Variants in NPSR1 observed in about 807,000 individuals in gnomAD.
The protein encoded by NPSR1 is neuropeptide S receptor.
NPSR1 carries 48 observed loss-of-function variants against 46.9 expected under a neutral mutation model. The observed-to-expected ratio is 1.02, with a 90% CI of 0.81 to 1.30. The LOEUF (loss-of-function observed/expected upper bound fraction) is 1.30, where lower values mean the gene tolerates loss of function less well. Among genes scored for constraint, NPSR1 ranks in the 50% most tolerant of loss-of-function variants. The probability of loss-of-function intolerance (pLI) is 0.00; values close to 1 mark genes in which losing one functional copy is unlikely to be tolerated. For synonymous variants in NPSR1, 176 were observed against 168.1 expected (o/e 1.05, Z -0.36); for missense variants, 450 against 449.5 (o/e 1.00, Z -0.01).
At chr7:34,730,690 C>T (rs73109551) in intron 2 of NPSR1, among the ~76,000 whole-genome samples, 21,903 of 152,096 alleles carry the variant, frequency 0.14, 2,077 homozygotes, top group East Asian at 0.34. Flanking sequence ...CATGACACAC[C>T]CCACCTAATT....
chr7:34,772,418 T>C (rs1044123366), intron 2 of NPSR1, among the ~76,000 whole-genome samples: 1 of 152,180 alleles, frequency 6.6e-6, no homozygotes, highest in Admixed American at 6.5e-5. Flanking sequence ...ATACTCTATT[T>C]CTGAGCAGAG....
intron 8 of NPSR1, among the ~76,000 whole-genome samples, chr7:34,856,985 A>G (rs1359631447): frequency 6.6e-6 from 1 of 151,690 alleles, no homozygotes; most frequent in Non-Finnish European, 1.5e-5. Context: ...AATGCCATGA[A>G]GCCATATTTT....
At chr7:34,847,488 G>A (rs1790777678) in intron 7 of NPSR1, among the ~76,000 whole-genome samples, 1 of 152,090 alleles carries the variant, frequency 6.6e-6, no homozygotes. Flanking sequence ...GTTGGAAGCT[G>A]GAGACCCAGG....
intron 6 of NPSR1, among the ~76,000 whole-genome samples, chr7:34,840,516 T>G (rs974966040): frequency 1.3e-5 from 2 of 152,104 alleles, no homozygotes; most frequent in African/African-American, 4.8e-5. Context: ...GCAGAAGAAC[T>G]TGGAGAGCAG....
chr7:34,661,589 C>T (rs1458545), intron 1 of NPSR1, among the ~76,000 whole-genome samples: 15,729 of 152,164 alleles, frequency 0.1, 907 homozygotes, highest in African/African-American at 0.15. Flanking sequence ...CCCACCTCCA[C>T]CCTTGAATTC....
At chr7:34,725,122 CACAG>C (rs1433527582) in intron 2 of NPSR1, among the ~76,000 whole-genome samples, 1 of 151,296 alleles carries the variant, frequency 6.6e-6, no homozygotes, top group Non-Finnish European at 1.5e-5. Context: ...CACACACACA[CACAG>C]ACACACACAC....
chr7:34,709,163 T>G (rs1794260107), intron 2 of NPSR1, among the ~76,000 whole-genome samples: 1 of 152,088 alleles, frequency 6.6e-6, no homozygotes, highest in African/African-American at 2.4e-5. Flanking sequence ...TTTGGCGGCC[T>G]CATTACGTTT....
intron 2 of NPSR1, among the ~76,000 whole-genome samples, chr7:34,769,871 G>A (rs757924439): frequency 2.0e-5 from 3 of 152,168 alleles, no homozygotes; most frequent in Admixed American, 1.3e-4. Context: ...AGTAATACAT[G>A]GAGGTGATTA....
At chr7:34,750,298 CT>C (rs1409540829) in intron 2 of NPSR1, 4 of 696,152 alleles carry the variant, frequency 5.7e-6, no homozygotes, top group Non-Finnish European at 1.1e-5. Flanking sequence ...GGGTTATTTT[CT>C]TGGGTGTCCT....
Position 34,829,030 on chromosome 7 carries a change from T to C in NPSR1, c.680+1428T>C, listed in dbSNP as rs191094280. Among the ~76,000 whole-genome samples the C allele has an allele frequency of 8.5e-4, 129 of 152,368 alleles. 1 individual carries two copies. Among genetic ancestry groups the C allele is most frequent in the African/African-American group, 1.6e-3 (67 of 41,594 alleles). ...ATATGCATTTCTTTAATTACTAAGC[T>C]GGTGGCATGTTTTTCAAGTGTTTTC... On this transcript the variant is annotated intron_variant, in intron 5 of 8. Coordinates refer to ENST00000360581, the MANE Select transcript of NPSR1 (RefSeq NM_207172.2).
intron 5 of NPSR1, among the ~76,000 whole-genome samples, chr7:34,828,300 A>G (rs17170012): frequency 0.12 from 18,093 of 152,248 alleles, 1,226 homozygotes; most frequent in South Asian, 0.2. Flanking sequence ...CCAGTGGGAC[A>G]GAAGTTGGCA....
intron 8 of NPSR1, among the ~76,000 whole-genome samples, chr7:34,864,406 C>A (rs1791263277): frequency 6.6e-6 from 1 of 150,748 alleles, no homozygotes; most frequent in Non-Finnish European, 1.5e-5. Flanking sequence ...GACACTCCAG[C>A]AATAAAATAC....
chr7:34,851,880 G>A (rs1790942717), downstream of NPSR1, among the ~76,000 whole-genome samples: 1 of 152,148 alleles, frequency 6.6e-6, no homozygotes, highest in African/African-American at 2.4e-5. Context: ...TAAGATAATG[G>A]TACAGGTTGC....
At chr7:34,724,355 T>C (rs988781787) in intron 2 of NPSR1, among the ~76,000 whole-genome samples, 25 of 152,192 alleles carry the variant, frequency 1.6e-4, no homozygotes, top group Non-Finnish European at 1.8e-4. Context: ...GATGTAAACT[T>C]ATTCATTTCT....
intron 2 of NPSR1, among the ~76,000 whole-genome samples, chr7:34,705,685 T>C (rs7357323): frequency 0.14 from 21,567 of 152,092 alleles, 2,062 homozygotes; most frequent in East Asian, 0.34. Context: ...TAATGTGATA[T>C]TAATATTATG....
At chr7:34,755,509 T>C (rs75055054) in intron 2 of NPSR1, among the ~76,000 whole-genome samples, 3,244 of 152,340 alleles carry the variant, frequency 0.021, 106 homozygotes, top group African/African-American at 0.074. Context: ...ACTATCCTTA[T>C]TGAATGGTGT....
At chr7:34,783,031 G>A (rs1423611289) in intron 3 of NPSR1, among the ~76,000 whole-genome samples, 1 of 151,794 alleles carries the variant, frequency 6.6e-6, no homozygotes, top group African/African-American at 2.4e-5. Flanking sequence ...TTATCAAGTA[G>A]ACAAAGAATT....
At chr7:34,757,069 C>A (rs571745409) in intron 2 of NPSR1, among the ~76,000 whole-genome samples, 3 of 152,256 alleles carry the variant, frequency 2.0e-5, no homozygotes, top group African/African-American at 7.2e-5. Context: ...GCAAAAATTG[C>A]CATGTTGGTT....
At chr7:34,849,283 T>A (rs1356755018) in intron 8 of NPSR1, 1 of 1,390,620 alleles carries the variant, frequency 7.2e-7, no homozygotes, top group East Asian at 2.5e-5. Flanking sequence ...GGCAAGTTAT[T>A]TAACATCTGT....
Sources: allele counts gnomAD v4.1 joint callset (sites outside exome capture counted in the v4.1 genomes callset), GRCh38; gene constraint gnomAD v4.1.1; transcripts MANE v1.5; gene names NCBI Gene and HGNC (gene_info 2026-07-23, HGNC 2026-07-21).